BEND6: variants seen among roughly 807,000 people sequenced by gnomAD.
BEND6 encodes BEN domain containing 6, also known as BEN domain-containing protein 6.
BEND6 carries 24 observed loss-of-function variants against 31.8 expected under a neutral mutation model. The ratio of observed to expected loss-of-function variants is 0.75; its 90% CI spans 0.55 to 1.06. The LOEUF (loss-of-function observed/expected upper bound fraction) is 1.06, where lower values mean the gene tolerates loss of function less well. Ranked by LOEUF, BEND6 falls within the 50% of genes least tolerant of loss-of-function variation. The probability of loss-of-function intolerance (pLI) is 0.00; values close to 1 mark genes in which losing one functional copy is unlikely to be tolerated. For synonymous variants in BEND6, 109 were observed against 114.6 expected, an observed-to-expected ratio of 0.95 and a Z score of 0.31; for missense variants, 294 against 327.4, an observed-to-expected ratio of 0.90 and a Z score of 0.79.
rs550733763 is a variant in BEND6, at chr6:57,025,432, T to C, written c.*10-650T>C. 4.6e-5 allele frequency among the ~76,000 whole-genome samples: 7 copies of C among 152,354 alleles called. No individual in the cohort carries two copies. The South Asian group carries it at 1.4e-3, about 32-fold the overall frequency. On this transcript the variant is annotated intron_variant, in intron 6 of 6. Transcript: ENST00000370746. ...TAGGTCACTGCCTCCTTTTTGGCACTAACTGGTGCCTTAAGCCCAAGTTTG... is the reference window on the plus strand; with the variant it reads ...TAGGTCACTGCCTCCTTTTTGGCACCAACTGGTGCCTTAAGCCCAAGTTTG...
chr6:57,006,989 C>T lies in BEND6; in HGVS notation c.299-8144C>T, dbSNP rs1021671347. On this transcript the variant is annotated intron_variant, in intron 3 of 6. Coordinates refer to ENST00000370746, the MANE Select transcript of BEND6 (RefSeq NM_152731.3). The stretch of plus-strand genomic sequence containing the variant: ...ACATTCACTGGGGAAATAATAGTCT[C>T]TTTAATAAATGGTGCTGGAGCCAGG... Among the ~76,000 whole-genome samples, 7 of 152,122 alleles carry T rather than the reference C, an allele frequency of 4.6e-5. 1 individual carries two copies. The highest frequency in any genetic ancestry group is 3.9e-4 in the Admixed American group (6 of 15,276).
chr6:57,020,361 C>T (rs1319126499), intron 6 of BEND6, among the ~76,000 whole-genome samples: 2 of 151,822 alleles, frequency 1.3e-5, no homozygotes, highest in Non-Finnish European at 2.9e-5. Flanking sequence ...ATCCTTCCAC[C>T]TTGAACTCCT....
chr6:56,957,470 G>A (rs1825128509), intron 1 of BEND6, among the ~76,000 whole-genome samples: 1 of 152,188 alleles, frequency 6.6e-6, no homozygotes, highest in Non-Finnish European at 1.5e-5. Context: ...CTGTCTGTGT[G>A]TTTATGTGGT....
chr6:57,021,423 C>A (rs991566672), intron 6 of BEND6, among the ~76,000 whole-genome samples: 2 of 152,146 alleles, frequency 1.3e-5, no homozygotes, highest in East Asian at 3.8e-4. Flanking sequence ...TAGACCGTGC[C>A]CTCCACTCAG....
rs76350978 is a variant in BEND6 at position 57,002,524 on chromosome 6, C to A, written c.298+9969C>A. Among the ~76,000 whole-genome samples, 793 of 152,164 alleles carry A rather than the reference C, an allele frequency of 5.2e-3. 8 individuals carry two copies. The highest frequency in any genetic ancestry group is 0.018 in the African/African-American group (758 of 41,514). ...AATTATATGAACCATACTCTCAGAC[C>A]ACAGTGAAATAAAACTAGTAATCAA... On this transcript the variant is annotated intron_variant, in intron 3 of 6. Coordinates refer to ENST00000370746, the MANE Select transcript of BEND6 (RefSeq NM_152731.3).
intron 1 of BEND6, among the ~76,000 whole-genome samples, chr6:56,976,503 G>GC (rs1235920231): frequency 3.4e-4 from 51 of 150,958 alleles, no homozygotes; most frequent in Non-Finnish European, 1.5e-4. Flanking sequence ...CCGCGTTAGT[G>GC]CTTCTAAGGC....
Position 57,017,528 on chromosome 6 carries a change from A to G in BEND6, c.712+129A>G, listed in dbSNP as rs539645772. 5.5e-6 allele frequency: 4 copies of G among 727,080 alleles called. No individual in the cohort carries two copies. The South Asian group carries it at 2.2e-4, about 40-fold the overall frequency. 45.0% of individuals were successfully genotyped at this position (727,080 alleles called of 1,614,324 possible). On this transcript the variant is annotated intron_variant, in intron 5 of 6. Transcript: ENST00000370746. ...TTCTGGGAAAGAAAAATCTTAGGAT[A>G]GTCTAAAGCTCTCATTAAATATGGG...
At chr6:57,002,313 G>A (rs918033952) in intron 3 of BEND6, among the ~76,000 whole-genome samples, 3 of 152,102 alleles carry the variant, frequency 2.0e-5, no homozygotes, top group African/African-American at 4.8e-5. Flanking sequence ...CATCCATGCA[G>A]AAAACTAACA....
intron 2 of BEND6, 116 bp downstream of exon 2, chr6:56,982,046 C>G: frequency 8.5e-7 from 1 of 1,179,330 alleles, no homozygotes; most frequent in South Asian, 1.7e-5. Flanking sequence ...CTTTTCATTT[C>G]TTTATTCAAT....
chr6:56,995,050 T>C (rs1208358483), intron 3 of BEND6, among the ~76,000 whole-genome samples: 2 of 152,128 alleles, frequency 1.3e-5, no homozygotes, highest in African/African-American at 4.8e-5. Flanking sequence ...CTATTATTTA[T>C]GAATAACCTA....
intron 1 of BEND6, among the ~76,000 whole-genome samples, chr6:56,979,987 A>G (rs895659531): frequency 2.0e-4 from 31 of 152,318 alleles, no homozygotes; most frequent in Admixed American, 1.0e-3. Context: ...CAGCTCTGAA[A>G]TATAAAATGG....
chr6:56,996,663 T>G (rs1219438585), intron 3 of BEND6, among the ~76,000 whole-genome samples: 1 of 152,234 alleles, frequency 6.6e-6, no homozygotes, highest in South Asian at 2.1e-4. Context: ...ATTGTTCAAG[T>G]TCCTTAAACC....
intron 6 of BEND6, among the ~76,000 whole-genome samples, chr6:57,020,833 G>GTTTT (rs74271470): frequency 1.2e-4 from 17 of 137,808 alleles, no homozygotes; most frequent in African/African-American, 4.1e-4. Flanking sequence ...CTAAACTCTT[G>GTTTT]TTTTTTTTTT....
Position 57,026,292 on chromosome 6 carries a change from TCA to T in BEND6, c.*221_*222del, listed in dbSNP as rs1457237224. 6.6e-6 allele frequency: 1 copy of T among 152,192 alleles called. No homozygotes were observed. Among genetic ancestry groups the T allele is most frequent in the African/African-American group, 2.4e-5 (1 of 41,448 alleles). 9.4% of individuals were successfully genotyped at this position (152,192 alleles called of 1,614,324 possible). On this transcript the variant is annotated 3_prime_UTR_variant, in exon 7 of 7. Transcript: ENST00000370746. ...TTCCACCCTCAGTACTAGTGATGCATCAAACCAGAGAATTTCTGCCAGTCAAA... is the reference window on the plus strand; with the variant it reads ...TTCCACCCTCAGTACTAGTGATGCATAACCAGAGAATTTCTGCCAGTCAAA...
At chr6:56,986,486 G>C (rs1826279580) in intron 2 of BEND6, among the ~76,000 whole-genome samples, 1 of 151,990 alleles carries the variant, frequency 6.6e-6, no homozygotes, top group Non-Finnish European at 1.5e-5. Flanking sequence ...AATAAAGGTT[G>C]AATGTAAATG....
chr6:56,986,616 G>A (rs1826283787), intron 2 of BEND6, among the ~76,000 whole-genome samples: 1 of 152,124 alleles, frequency 6.6e-6, no homozygotes, highest in Non-Finnish European at 1.5e-5. Context: ...ATTTTCTAGT[G>A]TAAAACAGTC....
chr6:57,000,377 C>T lies in BEND6; in HGVS notation c.298+7822C>T, dbSNP rs550944549. 2.0e-5 allele frequency among the ~76,000 whole-genome samples: 3 copies of T among 151,974 alleles called. No individual in the cohort carries two copies. In the East Asian group the frequency reaches 5.8e-4, roughly 29 times the overall value. ...CAAGATGTGCTTTGTTAAACAGATG[C>T]TTGAAGGCAGCATGCTCATTAAGAG... On this transcript the variant is annotated intron_variant, in intron 3 of 6. Coordinates refer to ENST00000370746, the MANE Select transcript of BEND6 (RefSeq NM_152731.3).
chr6:57,004,511 C>A, intron 3 of BEND6: 1 of 708,512 alleles, frequency 1.4e-6, no homozygotes. Context: ...GCTCCAGCTC[C>A]GTGTAGCCAC....
intron 3 of BEND6, among the ~76,000 whole-genome samples, chr6:57,005,773 A>G (rs1374468914): frequency 6.6e-6 from 1 of 151,796 alleles, no homozygotes; most frequent in Non-Finnish European, 1.5e-5. Context: ...TCCCAATTAA[A>G]ATACCAATGG....
Sources: gnomAD v4.1 joint callset for allele counts (sites outside exome capture counted in the v4.1 genomes callset) on GRCh38, gnomAD v4.1.1 for gene constraint, MANE v1.5 for transcripts, NCBI Gene and HGNC (gene_info 2026-07-23, HGNC 2026-07-21) for gene names.